The following XIST variants were observed in gnomAD, a reference collection of about 807,000 sequenced individuals.
XIST encodes the protein X inactive specific transcript, also known as X inactive specific transcript (non-protein coding).
exon 1 of XIST, chrX:73,845,749 G>C (rs764810181): frequency 1.6e-5 from 6 of 370,072 alleles, no homozygotes. Context: ...TGTGCACCTT[G>C]ATTGTCCAAA....
chrX:73,829,288 A>G (rs1036678092), intron 4 of XIST: 4 of 488,957 alleles, frequency 8.2e-6, no homozygotes, highest in Admixed American at 2.8e-5. Flanking sequence ...GTACTGTGCT[A>G]GAGTTACATA....
At chrX:73,834,623 T>C (rs1047036543) in intron 2 of XIST, among the ~76,000 whole-genome samples, 2 of 111,710 alleles carry the variant, frequency 1.8e-5, no homozygotes, top group African/African-American at 6.5e-5. Flanking sequence ...AATAACTGAG[T>C]GGCACAGCCA....
rs574129856 is a variant in XIST, at chrX:73,845,740, G to C, written n.6984C>G. 2.9e-3 allele frequency: 1,541 copies of C among 539,726 alleles called. 16 individuals are homozygous for C. In the South Asian group the frequency reaches 0.034, roughly 12 times the overall value. 44.5% of individuals were successfully genotyped at this position (539,726 alleles called of 1,213,427 possible). On this transcript the variant is annotated non_coding_transcript_exon_variant, in exon 1 of 6. Coordinates refer to ENST00000429829, the Ensembl canonical transcript of XIST. The stretch of plus-strand genomic sequence containing the variant: ...TGCATGGCTGTGGTCACTTATAATT[G>C]TGCACCTTGATTGTCCAAATGTAAT...
exon 6 of XIST, chrX:73,824,885 G>A (rs757790838): frequency 1.1e-5 from 6 of 552,676 alleles, no homozygotes; most frequent in Non-Finnish European, 2.0e-5. Flanking sequence ...ATAGTATAGA[G>A]GATAAACTTT....
chrX:73,846,314 T>G (rs767791902), exon 1 of XIST: 3 of 557,021 alleles, frequency 5.4e-6, no homozygotes, highest in Non-Finnish European at 9.7e-6. Context: ...TTGTGTTCAC[T>G]TAACAATTAC....
rs367567287 is a variant in XIST, at chrX:73,826,842, C to T, written n.13059G>A. On this transcript the variant is annotated non_coding_transcript_exon_variant, in exon 6 of 6. Coordinates refer to ENST00000429829, the Ensembl canonical transcript of XIST. ...CTACAACCCTGGGCTAATCTTAGGTCGTTGGCCTTGTGTCACAAGTCTCAG... is the reference window on the plus strand; with the variant it reads ...CTACAACCCTGGGCTAATCTTAGGTTGTTGGCCTTGTGTCACAAGTCTCAG... The T allele has an allele frequency of 5.4e-5, 30 of 556,380 alleles. No homozygotes were observed. In the African/African-American group the frequency reaches 5.4e-4, roughly 10 times the overall value. The allele number at this position is 556,380 out of a possible 1,213,427, so 45.9% of individuals were successfully genotyped here.
At chrX:73,848,477 G>C in exon 1 of XIST, 1 of 558,510 alleles carries the variant, frequency 1.8e-6, no homozygotes, top group East Asian at 3.2e-5. Flanking sequence ...GAGTGGAAGG[G>C]TTAGTGCACA....
chrX:73,822,568 A>T, exon 6 of XIST: 1 of 509,936 alleles, frequency 2.0e-6, no homozygotes. Context: ...TTCCAAGCCA[A>T]TTAATAAGCA....
chrX:73,837,882 C>G, intron 1 of XIST, among the ~76,000 whole-genome samples: 1 of 111,353 alleles, frequency 9.0e-6, no homozygotes, highest in East Asian at 2.8e-4. Context: ...TACTCTCTTT[C>G]TTTTCTGTTT....
At chrX:73,843,058 C>CT (rs748026910) in exon 1 of XIST, 1 of 556,400 alleles carries the variant, frequency 1.8e-6, no homozygotes, top group Admixed American at 2.2e-5. Flanking sequence ...AATGCTTATA[C>CT]TTTATTATGC....
chrX:73,843,654 T>C, exon 1 of XIST: 1 of 558,655 alleles, frequency 1.8e-6, no homozygotes, highest in Non-Finnish European at 3.2e-6. Flanking sequence ...ATCCCCCTGC[T>C]CTAAAGCAAA....
chrX:73,850,276 G>A (rs1664157040), exon 1 of XIST: 1 of 547,572 alleles, frequency 1.8e-6, no homozygotes, highest in Non-Finnish European at 3.3e-6. Flanking sequence ...ACTATCTACT[G>A]CCAAAAAAAG....
chrX:73,828,130 C>T, intron 5 of XIST: 1 of 430,791 alleles, frequency 2.3e-6, no homozygotes, highest in East Asian at 3.7e-5. Context: ...TTATAATAAA[C>T]TATTGTTACT....
exon 6 of XIST, chrX:73,822,072 T>C: frequency 3.6e-6 from 2 of 558,327 alleles, no homozygotes; most frequent in Non-Finnish European, 6.5e-6. Context: ...TAGACAAACC[T>C]TGTAAATGCA....
chrX:73,824,139 C>T (rs1922196267), exon 6 of XIST: 1 of 524,531 alleles, frequency 1.9e-6, no homozygotes, highest in Non-Finnish European at 3.4e-6. Flanking sequence ...TGATTTTACA[C>T]ATATTTTCTT....
chrX:73,843,114 G>T, exon 1 of XIST: 3 of 558,435 alleles, frequency 5.4e-6, no homozygotes, highest in Middle Eastern at 3.1e-4. Context: ...AACAAGGTCA[G>T]GGAGGGAGAA....
exon 1 of XIST, chrX:73,852,453 A>G: frequency 1.8e-6 from 1 of 547,711 alleles, no homozygotes; most frequent in Non-Finnish European, 3.3e-6. Flanking sequence ...ACCAAAAATG[A>G]TTCCAAAGAA....
At chrX:73,843,823 C>T (rs1192232081) in exon 1 of XIST, 4 of 556,987 alleles carry the variant, frequency 7.2e-6, no homozygotes, top group Non-Finnish European at 1.3e-5. Context: ...CACATATTAA[C>T]AGTCCAAAAC....
At chrX:73,837,818 C>T (rs1349011322) in intron 1 of XIST, among the ~76,000 whole-genome samples, 2 of 111,151 alleles carry the variant, frequency 1.8e-5, no homozygotes, top group African/African-American at 6.5e-5. Flanking sequence ...AGTCTATGTT[C>T]CAGATTTTTC....
Sources: gnomAD v4.1 joint callset for allele counts (sites outside exome capture counted in the v4.1 genomes callset) on GRCh38, gnomAD v4.1.1 for gene constraint, MANE v1.5 for transcripts, NCBI Gene and HGNC (gene_info 2026-07-23, HGNC 2026-07-21) for gene names.